ARHGDIB: variants seen among roughly 807,000 people sequenced by gnomAD.
The protein encoded by ARHGDIB is Rho GDP dissociation inhibitor beta.
Under a neutral mutation model 22.6 loss-of-function variants are expected in ARHGDIB, and 20 were observed. The ratio of observed to expected loss-of-function variants is 0.88; its 90% CI spans 0.62 to 1.28. ARHGDIB has a LOEUF of 1.28. ARHGDIB is among the 50% of genes most tolerant of loss of function. The probability of loss-of-function intolerance (pLI) is 0.00; values close to 1 mark genes in which losing one functional copy is unlikely to be tolerated. For missense variants in ARHGDIB, 254 were observed against 245.4 expected (o/e 1.04, Z -0.23); for synonymous variants, 114 against 96.1 (o/e 1.19, Z -1.09).
At position 14,942,446 on chromosome 12, in the gene ARHGDIB, G is replaced by A. The variant is rs1032804452; in HGVS notation, c.*76C>T. 1.3e-5 allele frequency: 20 copies of A among 1,509,164 alleles called. No homozygotes were observed. In the Admixed American group the frequency reaches 2.7e-4, roughly 20 times the overall value. The allele number at this position is 1,509,164 out of a possible 1,614,324, so 93.5% of individuals were successfully genotyped here. A position where few individuals can be genotyped will look rare whatever the true frequency, so the allele number is the denominator to read the frequency against. On this transcript the variant is annotated 3_prime_UTR_variant, in exon 6 of 6. Coordinates refer to ENST00000228945, the MANE Select transcript of ARHGDIB (RefSeq NM_001175.7). ...TGAAGAGGGACCCAGCTGTGGACAGGGAGGAGGGACAGGGTGCTGAACACG... is the reference window on the plus strand; with the variant it reads ...TGAAGAGGGACCCAGCTGTGGACAGAGAGGAGGGACAGGGTGCTGAACACG...
chr12:14,961,209 CTACTT>C (rs1322894656), intron 1 of ARHGDIB: 1 of 152,266 alleles, frequency 6.6e-6, no homozygotes, highest in Non-Finnish European at 1.5e-5. Flanking sequence ...GTGCCTGCTC[CTACTT>C]TGCAGGAAAC....
intron 1 of ARHGDIB, among the ~76,000 whole-genome samples, chr12:14,958,467 T>C (rs546342352): frequency 1.3e-5 from 2 of 152,336 alleles, no homozygotes; most frequent in South Asian, 4.1e-4. Context: ...TATTATTTCT[T>C]GCCTGTGCAT....
intron 5 of ARHGDIB, among the ~76,000 whole-genome samples, chr12:14,942,923 C>T (rs149462267): frequency 1.9e-4 from 28 of 151,104 alleles, no homozygotes; most frequent in African/African-American, 4.9e-4. Context: ...GGCTGGAGTG[C>T]GGAAGCACAA....
intron 5 of ARHGDIB, among the ~76,000 whole-genome samples, chr12:14,943,993 A>C (rs1180445848): frequency 2.0e-5 from 3 of 152,076 alleles, no homozygotes; most frequent in African/African-American, 7.3e-5. Context: ...GATTTGAGAA[A>C]TTGACTGGTC....
chr12:14,950,605 C>T lies in ARHGDIB; in HGVS notation c.108G>A (p.Gln36=). 6.2e-7 allele frequency: 1 copy of T among 1,614,036 alleles called. No individual in the cohort carries two copies. Among genetic ancestry groups the T allele is most frequent in the Non-Finnish European group, 8.5e-7 (1 of 1,179,942 alleles). Residue 36 remains glutamine (Q), a synonymous_variant, in exon 2 of 6, where the codon CAG becomes CAA. Coordinates refer to ENST00000228945, the MANE Select transcript of ARHGDIB (RefSeq NM_001175.7). ...GACTCTCATCATCTTTGTCCATTTC[C>T]TGCAGCTCTTTCAGGGACTTCTGTG... ...PPPQKSLKEL[Q]EMDKDDESLI... is the part of the protein sequence containing the mutation.
At chr12:14,947,731 G>A (rs1437115021) in intron 4 of ARHGDIB, 142 bp downstream of exon 4, 3 of 696,422 alleles carry the variant, frequency 4.3e-6, no homozygotes, top group Non-Finnish European at 7.3e-6. Flanking sequence ...TCAGGGCTGG[G>A]AAGAGGACAT....
At chr12:14,952,603 G>A (rs746373623) in intron 1 of ARHGDIB, among the ~76,000 whole-genome samples, 3 of 152,318 alleles carry the variant, frequency 2.0e-5, no homozygotes, top group East Asian at 3.9e-4. Context: ...AGGAGGCAGC[G>A]TGTAGATGTT....
At chr12:14,958,647 C>T (rs1248177107) in intron 1 of ARHGDIB, among the ~76,000 whole-genome samples, 2 of 152,158 alleles carry the variant, frequency 1.3e-5, no homozygotes, top group African/African-American at 2.4e-5. Context: ...GAAGCCATTG[C>T]CTTCAGTATC....
At position 14,950,620 on chromosome 12, in the gene ARHGDIB, G is replaced by C. The variant is rs767661660; in HGVS notation, c.93C>G (p.Ser31=). 3.7e-6 allele frequency: 6 copies of C among 1,613,916 alleles called. No individual in the cohort carries two copies. The highest frequency in any genetic ancestry group is 5.1e-6 in the Non-Finnish European group (6 of 1,179,946). The stretch of plus-strand genomic sequence containing the variant: ...TGTCCATTTCCTGCAGCTCTTTCAG[G>C]GACTTCTGTGGTGGAGGCTTATAAT... The part of the protein sequence containing the change: ...KLNYKPPPQK[S]LKELQEMDKD... Residue 31 remains serine, a synonymous_variant, in exon 2 of 6, where the codon TCC becomes TCG. Coordinates refer to ENST00000228945, the MANE Select transcript of ARHGDIB (RefSeq NM_001175.7).
At chr12:14,944,172 C>T (rs1463610541) in intron 5 of ARHGDIB, among the ~76,000 whole-genome samples, 2 of 150,856 alleles carry the variant, frequency 1.3e-5, no homozygotes, top group Non-Finnish European at 3.0e-5. Flanking sequence ...TTCTCCCTGC[C>T]TATATTAATG....
intron 1 of ARHGDIB, among the ~76,000 whole-genome samples, chr12:14,954,075 C>T (rs1864246159): frequency 6.6e-6 from 1 of 152,004 alleles, no homozygotes; most frequent in Non-Finnish European, 1.5e-5. Flanking sequence ...GCCTCCTGGA[C>T]TCAAGCAATT....
Position 14,948,098 on chromosome 12 carries a change from T to G in ARHGDIB, c.266-149A>C, listed in dbSNP as rs1864067961. 1.4e-5 allele frequency: 5 copies of G among 349,210 alleles called. 1 individual carries two copies. The highest frequency in any genetic ancestry group is 2.7e-5 in the Non-Finnish European group (5 of 186,602). The allele number at this position is 349,210 out of a possible 1,614,324, so 21.6% of individuals were successfully genotyped here. ...TTCACAGAGTATTTGAGTTTAGTCC[T>G]TGCACACACACACACACACACACAC... On this transcript the variant is annotated intron_variant, in intron 3 of 5. Transcript: ENST00000228945.
intron 4 of ARHGDIB, among the ~76,000 whole-genome samples, chr12:14,945,950 C>A (rs917943381): frequency 8.5e-5 from 13 of 152,184 alleles, no homozygotes; most frequent in African/African-American, 2.9e-4. Context: ...ATAAATGCAC[C>A]TTTCTAGATG....
At chr12:14,958,293 C>A (rs1202862622) in intron 1 of ARHGDIB, among the ~76,000 whole-genome samples, 1 of 152,160 alleles carries the variant, frequency 6.6e-6, no homozygotes, top group Non-Finnish European at 1.5e-5. Flanking sequence ...TGCTTTCTAC[C>A]ACCTCAGCCC....
chr12:14,949,457 T>C (rs751219902), intron 3 of ARHGDIB, among the ~76,000 whole-genome samples: 1 of 152,034 alleles, frequency 6.6e-6, no homozygotes, highest in South Asian at 2.1e-4. Flanking sequence ...GTTTAGACTG[T>C]ATAAACCTTA....
chr12:14,944,200 G>C (rs1018278571), intron 5 of ARHGDIB, among the ~76,000 whole-genome samples: 1 of 150,704 alleles, frequency 6.6e-6, no homozygotes, highest in African/African-American at 2.4e-5. Flanking sequence ...ATTGAAGGCA[G>C]GGTCCCAAGG....
chr12:14,944,695 A>G, intron 5 of ARHGDIB, 81 bp downstream of exon 5: 1 of 1,355,598 alleles, frequency 7.4e-7, no homozygotes, highest in South Asian at 1.3e-5. Flanking sequence ...CTGAGTCTAT[A>G]GCTAAAAGTT....
chr12:14,948,100 G>GCGTGCACA (rs71926892), intron 3 of ARHGDIB, 151 bp from the exon 4 acceptor site: 4 of 437,428 alleles, frequency 9.1e-6, no homozygotes, highest in African/African-American at 4.2e-5. Context: ...TTTAGTCCTT[G>GCGTGCACA]CACACACACA....
chr12:14,947,785 G>A lies in ARHGDIB; in HGVS notation c.342+88C>T, dbSNP rs773002178. On this transcript the variant is annotated intron_variant, in intron 4 of 5. Coordinates refer to ENST00000228945, the MANE Select transcript of ARHGDIB (RefSeq NM_001175.7). ...GTACTAGGGGAGAAACAAACAAAAA[G>A]TACCTCAACATGATCATGCAAGAAA... The A allele has an allele frequency of 2.5e-5, 29 of 1,180,070 alleles. 1 individual carries two copies. Among genetic ancestry groups the A allele is most frequent in the East Asian group, 7.0e-5 (3 of 42,554 alleles). 73.1% of individuals were successfully genotyped at this position (1,180,070 alleles called of 1,614,324 possible). A position where few individuals can be genotyped will look rare whatever the true frequency, so the allele number is the denominator to read the frequency against.
Sources: allele counts gnomAD v4.1 joint callset (sites outside exome capture counted in the v4.1 genomes callset), GRCh38; gene constraint gnomAD v4.1.1; transcripts MANE v1.5; gene names NCBI Gene and HGNC (gene_info 2026-07-23, HGNC 2026-07-21).